The following CNGB3 variants were observed in gnomAD, a reference collection of about 807,000 sequenced individuals.
CNGB3 encodes the protein cyclic nucleotide-gated channel beta-3.
CNGB3 carries 86 observed loss-of-function variants against 92.8 expected under a neutral mutation model. That is an observed-to-expected ratio of 0.93 (90% CI 0.78 to 1.11). CNGB3 has a LOEUF of 1.11. CNGB3 is among the 50% of genes least tolerant of loss of function. The pLI is 0.00. For missense variants in CNGB3, 1,026 were observed against 956.8 expected (o/e 1.07, Z -0.95); for synonymous variants, 333 against 332.7 (o/e 1.00, Z -0.01).
At chr8:86,599,057 T>G (rs1249769979) in intron 15 of CNGB3, among the ~76,000 whole-genome samples, 3 of 152,178 alleles carry the variant, frequency 2.0e-5, no homozygotes, top group Non-Finnish European at 4.4e-5. Flanking sequence ...GAAGGTTTGT[T>G]GCAGGAAGTC....
chr8:86,643,864 T>C lies in CNGB3; in HGVS notation c.1065A>G (p.Arg355=), dbSNP rs776023278. ...GAATAAACAGCAAGTATCCAGTTGT[T>C]CGAATAACTCTGTCAGAGAGAATAG... The part of the protein sequence containing the change: ...MDKAYIYRVI[R]TTGYLLFILH... Residue 355 remains arginine, a synonymous_variant, in exon 10 of 18, where the codon CGA becomes CGG. Coordinates refer to ENST00000320005, the MANE Select transcript of CNGB3 (RefSeq NM_019098.5). The C allele has an allele frequency of 6.9e-6, 11 of 1,605,836 alleles. No homozygotes were observed. Among genetic ancestry groups the C allele is most frequent in the African/African-American group, 1.3e-5 (1 of 74,304 alleles).
intron 2 of CNGB3, among the ~76,000 whole-genome samples, chr8:86,730,562 T>C (rs1825140397): frequency 6.6e-6 from 1 of 152,198 alleles, no homozygotes; most frequent in Admixed American, 6.5e-5. Context: ...GATGCATTAA[T>C]AAAGACTAAG....
intron 14 of CNGB3, among the ~76,000 whole-genome samples, chr8:86,609,764 TC>T (rs1439584157): frequency 1.3e-5 from 2 of 152,214 alleles, no homozygotes; most frequent in African/African-American, 4.8e-5. Flanking sequence ...TTGCTTCCGT[TC>T]CTTGGATATG....
intron 17 of CNGB3, 132 bp from the exon 18 acceptor site, chr8:86,576,262 T>A: frequency 1.0e-6 from 1 of 983,160 alleles, no homozygotes; most frequent in South Asian, 1.5e-5. Flanking sequence ...CCAGGAATCA[T>A]GTCTGCTTTG....
At chr8:86,669,386 A>G (rs538615493) in intron 4 of CNGB3, among the ~76,000 whole-genome samples, 32 of 152,376 alleles carry the variant, frequency 2.1e-4, no homozygotes, top group African/African-American at 7.7e-4. Flanking sequence ...ATTTGGAAAT[A>G]TGTAACAGGT....
intron 3 of CNGB3, among the ~76,000 whole-genome samples, chr8:86,677,532 T>C (rs939183767): frequency 1.3e-5 from 2 of 152,088 alleles, no homozygotes; most frequent in African/African-American, 4.8e-5. Context: ...AATGATATAG[T>C]GGATGAGATT....
At chr8:86,713,572 G>C (rs1211707783) in intron 3 of CNGB3, among the ~76,000 whole-genome samples, 1 of 152,082 alleles carries the variant, frequency 6.6e-6, no homozygotes, top group African/African-American at 2.4e-5. Flanking sequence ...CATAAATGAA[G>C]ATAAATATTT....
At chr8:86,613,074 A>C (rs1017551224) in intron 13 of CNGB3, among the ~76,000 whole-genome samples, 2 of 152,210 alleles carry the variant, frequency 1.3e-5, no homozygotes, top group Non-Finnish European at 2.9e-5. Flanking sequence ...AAGCACCAGG[A>C]AAGTGCTCAT....
intron 3 of CNGB3, among the ~76,000 whole-genome samples, chr8:86,725,345 T>C (rs1465020816): frequency 6.6e-6 from 1 of 152,206 alleles, no homozygotes; most frequent in South Asian, 2.1e-4. Flanking sequence ...TGCTTATCTG[T>C]TGAGTGAAGA....
At chr8:86,644,094 A>C (rs555774662) in intron 9 of CNGB3, among the ~76,000 whole-genome samples, 2 of 151,178 alleles carry the variant, frequency 1.3e-5, no homozygotes, top group Non-Finnish European at 3.0e-5. Flanking sequence ...AAAAAGAAAA[A>C]GAAAACTTCC....
rs73271504 is a variant in CNGB3, at chr8:86,577,309, T to C, written c.2104-1179A>G. ...GTTTTCAGTTTCTTCATCTATAACA[T>C]GAAAAGCTTGGATGAAATTTACAAA... On this transcript the variant is annotated intron_variant, in intron 17 of 17. Coordinates refer to ENST00000320005, the MANE Select transcript of CNGB3 (RefSeq NM_019098.5). Among the ~76,000 whole-genome samples, 784 of 152,316 alleles carry C rather than the reference T, an allele frequency of 5.1e-3. 9 individuals carry two copies. Among genetic ancestry groups the C allele is most frequent in the African/African-American group, 0.017 (719 of 41,580 alleles).
At chr8:86,732,765 T>C (rs1218646285) in intron 2 of CNGB3, among the ~76,000 whole-genome samples, 1 of 152,254 alleles carries the variant, frequency 6.6e-6, no homozygotes, top group African/African-American at 2.4e-5. Context: ...ACTTTATTCA[T>C]TTCTCAATTC....
At chr8:86,660,277 T>G (rs1267734925) in intron 6 of CNGB3, 1 of 315,438 alleles carries the variant, frequency 3.2e-6, no homozygotes, top group Non-Finnish European at 6.3e-6. Context: ...CTCTGTAGGG[T>G]TTCTTCAGAC....
At chr8:86,731,910 T>C (rs1228236018) in intron 2 of CNGB3, among the ~76,000 whole-genome samples, 1 of 152,154 alleles carries the variant, frequency 6.6e-6, no homozygotes, top group Non-Finnish European at 1.5e-5. Flanking sequence ...TGGGGCATGA[T>C]ACAAAAACTT....
intron 4 of CNGB3, among the ~76,000 whole-genome samples, 186 bp downstream of exon 4, chr8:86,670,758 A>G (rs1823842603): frequency 6.6e-6 from 1 of 151,928 alleles, no homozygotes. Flanking sequence ...TTATTAACCC[A>G]TCTGTACTGT....
At chr8:86,739,428 A>T (rs1428272506) in intron 2 of CNGB3, among the ~76,000 whole-genome samples, 1 of 152,212 alleles carries the variant, frequency 6.6e-6, no homozygotes, top group Non-Finnish European at 1.5e-5. Context: ...CCCATGGAAC[A>T]GTGCCTGGCA....
At chr8:86,743,188 C>CA (rs2131687123) in intron 1 of CNGB3, among the ~76,000 whole-genome samples, 1 of 152,276 alleles carries the variant, frequency 6.6e-6, no homozygotes, top group South Asian at 2.1e-4. Context: ...TGTTGAAACT[C>CA]AATCAAGTAA....
At chr8:86,587,910 T>G (rs1013747895) in intron 15 of CNGB3, among the ~76,000 whole-genome samples, 2 of 152,142 alleles carry the variant, frequency 1.3e-5, no homozygotes, top group Non-Finnish European at 2.9e-5. Flanking sequence ...TTGCATTGAA[T>G]CTGTAAATTA....
At position 86,626,075 on chromosome 8, in the gene CNGB3, A is replaced by G; in HGVS notation, c.1486T>C (p.Ser496Pro). The change falls in exon 13 of 18, where the codon TCT becomes CCT. Residue 496 changes from serine (S) to proline (P), a missense_variant. By Grantham distance (74) the Ser-to-Pro change is moderately conservative. Transcript: ENST00000320005. ...TWDSQRMLDESDLLKTLPTTV... is the reference protein window; with the variant it reads ...TWDSQRMLDEPDLLKTLPTTV... ...GTTGGTAGGGTCTTAAGCAAATCAGACTCATCTTTATAAAGATAAACACAT... is the reference window on the plus strand; with the variant it reads ...GTTGGTAGGGTCTTAAGCAAATCAGGCTCATCTTTATAAAGATAAACACAT... The G allele has an allele frequency of 1.9e-6, 3 of 1,610,588 alleles. No individual in the cohort carries two copies. Among genetic ancestry groups the G allele is most frequent in the Non-Finnish European group, 2.5e-6 (3 of 1,177,016 alleles).
Sources: gnomAD v4.1 joint callset for allele counts (sites outside exome capture counted in the v4.1 genomes callset) on GRCh38, gnomAD v4.1.1 for gene constraint, MANE v1.5 for transcripts, NCBI Gene and HGNC (gene_info 2026-07-23, HGNC 2026-07-21) for gene names.